Variants in RBFOX1 observed in about 807,000 individuals in gnomAD.
RBFOX1 encodes RNA binding fox-1 homolog 1.
RBFOX1 carries 8 observed loss-of-function variants against 57.7 expected under a neutral mutation model. That is an observed-to-expected ratio of 0.14 (90% CI 0.08 to 0.25). The LOEUF (loss-of-function observed/expected upper bound fraction) is 0.25, where lower values mean the gene tolerates loss of function less well. RBFOX1 is among the 10% of genes least tolerant of loss of function. The pLI is 1.00. For missense variants in RBFOX1, 611 were observed against 548.5 expected, an observed-to-expected ratio of 1.11 and a Z score of -1.14; for synonymous variants, 326 against 222.4, an observed-to-expected ratio of 1.47 and a Z score of -4.15.
intron 3 of RBFOX1, among the ~76,000 whole-genome samples, chr16:6,813,280 A>C (rs1345444780): frequency 6.6e-6 from 1 of 152,146 alleles, no homozygotes; most frequent in Non-Finnish European, 1.5e-5. Flanking sequence ...GCAGTCCTCA[A>C]AACAGCCATA....
intron 1 of RBFOX1, among the ~76,000 whole-genome samples, chr16:5,318,667 A>G (rs894289869): frequency 9.2e-5 from 14 of 152,190 alleles, no homozygotes; most frequent in Non-Finnish European, 7.3e-5. Flanking sequence ...GACTTCTAAG[A>G]TGGTCCCTCA....
At chr16:6,864,842 CT>C (rs543296035) in intron 3 of RBFOX1, among the ~76,000 whole-genome samples, 7 of 151,832 alleles carry the variant, frequency 4.6e-5, no homozygotes, top group Non-Finnish European at 1.0e-4. Flanking sequence ...GGCCATTTCC[CT>C]TTTTTTATCT....
Position 5,300,944 on chromosome 16 carries a change from C to T in RBFOX1, c.219+60839C>T, listed in dbSNP as rs1405025300. ...TCTGCCTGTCTGTCTGTCTCTCTCT[C>T]GCTCTTGTCCTGATCATTCTTTCTA... On this transcript the variant is annotated intron_variant, in intron 1 of 2. Coordinates refer to the RBFOX1 transcript ENST00000585867. Among the ~76,000 whole-genome samples, 5 of 152,162 alleles carry T rather than the reference C, an allele frequency of 3.3e-5. No homozygotes were observed. In the East Asian group the frequency reaches 7.7e-4, roughly 23 times the overall value.
intron 2 of RBFOX1, among the ~76,000 whole-genome samples, chr16:6,399,893 G>A (rs1346823385): frequency 6.6e-6 from 1 of 152,174 alleles, no homozygotes; most frequent in Non-Finnish European, 1.5e-5. Flanking sequence ...GCCCAATGAA[G>A]GGAGAAGCCC....
At chr16:7,419,358 G>T (rs1206851355) in intron 4 of RBFOX1, among the ~76,000 whole-genome samples, 2 of 152,112 alleles carry the variant, frequency 1.3e-5, no homozygotes, top group Non-Finnish European at 2.9e-5. Flanking sequence ...TCAATTCCAG[G>T]AGTCTCCACT....
chr16:7,592,112 A>G (rs930240845), intron 7 of RBFOX1, among the ~76,000 whole-genome samples: 1 of 152,078 alleles, frequency 6.6e-6, no homozygotes, highest in Non-Finnish European at 1.5e-5. Flanking sequence ...CATTTTGAGG[A>G]CCGTCTGGAG....
At chr16:6,089,058 T>C (rs575398857) in intron 1 of RBFOX1, among the ~76,000 whole-genome samples, 1 of 120,418 alleles carries the variant, frequency 8.3e-6, no homozygotes, top group Admixed American at 8.5e-5. Context: ...AGAGTGAAAC[T>C]CTGTCTCAAA....
At chr16:6,045,511 A>ATTCATTCATTCATTTG (rs989506068) in intron 1 of RBFOX1, among the ~76,000 whole-genome samples, 1 of 152,224 alleles carries the variant, frequency 6.6e-6, no homozygotes, top group African/African-American at 2.4e-5. Flanking sequence ...TCATTCATGC[A>ATTCATTCATTCATTTG]TTCATTCATT....
intron 2 of RBFOX1, among the ~76,000 whole-genome samples, chr16:6,611,695 C>A (rs1276234182): frequency 6.6e-6 from 1 of 152,160 alleles, no homozygotes; most frequent in Non-Finnish European, 1.5e-5. Flanking sequence ...CTTACCTTGT[C>A]CGTGGCTTCT....
At chr16:7,154,014 C>T (rs1248223491) in intron 4 of RBFOX1, among the ~76,000 whole-genome samples, 2 of 152,250 alleles carry the variant, frequency 1.3e-5, no homozygotes, top group Non-Finnish European at 2.9e-5. Flanking sequence ...ATTTATCCAT[C>T]ATCATTATCA....
intron 1 of RBFOX1, among the ~76,000 whole-genome samples, chr16:5,274,676 G>A (rs1042485697): frequency 1.1e-4 from 17 of 152,320 alleles, no homozygotes; most frequent in African/African-American, 3.8e-4. Flanking sequence ...TTTCTGCCAT[G>A]TTCACTTATT....
At chr16:6,935,931 A>G (rs578252634) in intron 3 of RBFOX1, among the ~76,000 whole-genome samples, 4 of 152,302 alleles carry the variant, frequency 2.6e-5, no homozygotes, top group South Asian at 2.1e-4. Flanking sequence ...CTGGGGACCA[A>G]TCTGTGCCGA....
At chr16:7,461,491 T>C (rs2059577187) in intron 4 of RBFOX1, among the ~76,000 whole-genome samples, 1 of 152,194 alleles carries the variant, frequency 6.6e-6, no homozygotes, top group South Asian at 2.1e-4. Flanking sequence ...TAAAATTTTA[T>C]AGAATAATTG....
rs185036256 is a variant in RBFOX1 at position 5,648,853 on chromosome 16, C to A, written c.318+49892C>A. 4.5e-4 allele frequency among the ~76,000 whole-genome samples: 68 copies of A among 152,220 alleles called. No homozygotes were observed. The East Asian group carries it at 0.012, about 27-fold the overall frequency. The stretch of plus-strand genomic sequence containing the variant: ...CCAAAGCAGGCGGATCACTTGAGGT[C>A]AGGAGTTTGAGTCCAGGCTGGCCAA... On this transcript the variant is annotated intron_variant, in intron 3 of 19. Transcript: ENST00000641259.
rs568211750 is a variant in RBFOX1, at chr16:7,114,992, G to A, written c.27+62894G>A. On this transcript the variant is annotated intron_variant, in intron 4 of 15. Transcript: ENST00000550418. ...AGAAGTGATTTGAGGGTGAAAATAG[G>A]GTAAGCGTATTTACTCTTTAGCTCC... 3.3e-5 allele frequency among the ~76,000 whole-genome samples: 5 copies of A among 152,200 alleles called. No individual in the cohort carries two copies. In the South Asian group the frequency reaches 1.0e-3, roughly 32 times the overall value.
intron 4 of RBFOX1, among the ~76,000 whole-genome samples, chr16:7,247,726 C>T (rs1361043718): frequency 1.3e-5 from 2 of 152,130 alleles, no homozygotes; most frequent in African/African-American, 4.8e-5. Flanking sequence ...TCTTTAAATC[C>T]AGGTTAAGTA....
At chr16:5,821,997 C>T (rs930269350) in intron 3 of RBFOX1, among the ~76,000 whole-genome samples, 2 of 152,176 alleles carry the variant, frequency 1.3e-5, no homozygotes, top group Non-Finnish European at 2.9e-5. Flanking sequence ...ACATTCAGAG[C>T]ATATCAGGTA....
intron 2 of RBFOX1, among the ~76,000 whole-genome samples, chr16:5,566,644 G>T (rs929018549): frequency 7.3e-6 from 1 of 136,730 alleles, no homozygotes; most frequent in Non-Finnish European, 1.5e-5. Flanking sequence ...GTATATGTGT[G>T]TATATATGTG....
chr16:7,001,398 T>TGTATGTGTATGTGTATG (rs2092782327), intron 3 of RBFOX1, among the ~76,000 whole-genome samples: 77 of 100,922 alleles, frequency 7.6e-4, no homozygotes, highest in African/African-American at 2.5e-3. Context: ...GTATGTGTAT[T>TGTATGTGTATGTGTATG]TGTATATGTA....
Sources: allele counts gnomAD v4.1 joint callset (sites outside exome capture counted in the v4.1 genomes callset), GRCh38; gene constraint gnomAD v4.1.1; transcripts MANE v1.5; gene names NCBI Gene and HGNC (gene_info 2026-07-23, HGNC 2026-07-21).